Variants in TPTE2 observed in about 807,000 individuals in gnomAD.
TPTE2 encodes transmembrane phosphoinositide 3-phosphatase and tensin homolog 2.
TPTE2 carries 53 observed loss-of-function variants against 78.6 expected under a neutral mutation model. The observed-to-expected ratio is 0.67, with a 90% CI of 0.54 to 0.85. The LOEUF (loss-of-function observed/expected upper bound fraction) is 0.85. Among genes scored for constraint, TPTE2 ranks in the 40% least tolerant of loss-of-function variants. The probability of loss-of-function intolerance (pLI) is 0.00; values close to 1 mark genes in which losing one functional copy is unlikely to be tolerated. For synonymous variants in TPTE2, 175 were observed against 206.2 expected (o/e 0.85, Z 1.30); for missense variants, 461 against 623.0 (o/e 0.74, Z 2.77).
chr13:19,516,703 A>G (rs918008792), intron 1 of TPTE2, among the ~76,000 whole-genome samples: 12 of 152,110 alleles, frequency 7.9e-5, no homozygotes, highest in Non-Finnish European at 1.6e-4. Flanking sequence ...GCTGAACACT[A>G]GCTCACCATC....
At chr13:19,435,885 T>G (rs1240740769) in intron 15 of TPTE2, among the ~76,000 whole-genome samples, 1 of 152,050 alleles carries the variant, frequency 6.6e-6, no homozygotes, top group Non-Finnish European at 1.5e-5. Context: ...TTTTTTACAT[T>G]GAAATCAAAG....
At chr13:19,549,512 G>T in the TPTE2 span, among the ~76,000 whole-genome samples, 1 of 152,016 alleles carries the variant, frequency 6.6e-6, no homozygotes, top group Non-Finnish European at 1.5e-5. Context: ...ACAGATGCTG[G>T]TGAGGTTGCA....
intron 1 of TPTE2, among the ~76,000 whole-genome samples, chr13:19,534,961 G>A (rs1048393544): frequency 1.2e-4 from 18 of 152,052 alleles, no homozygotes; most frequent in Non-Finnish European, 1.8e-4. Context: ...TCAGAACTTC[G>A]GGAGGCCGAG....
intron 1 of TPTE2, among the ~76,000 whole-genome samples, chr13:19,513,515 C>T (rs1314986727): frequency 6.6e-6 from 1 of 152,112 alleles, no homozygotes; most frequent in Admixed American, 6.5e-5. Context: ...TCATTGGGGT[C>T]AGTGCAAAGG....
chr13:19,459,596 T>C (rs539533536), intron 10 of TPTE2, among the ~76,000 whole-genome samples: 2 of 152,272 alleles, frequency 1.3e-5, no homozygotes, highest in Non-Finnish European at 1.5e-5. Context: ...AGTGGCTGAG[T>C]TGACCAAACT....
chr13:19,469,602 A>T (rs1020202066), intron 6 of TPTE2, among the ~76,000 whole-genome samples: 5 of 152,022 alleles, frequency 3.3e-5, no homozygotes, highest in African/African-American at 9.7e-5. Context: ...TGAATCTGTA[A>T]ATTGCTTTGG....
intron 1 of TPTE2, among the ~76,000 whole-genome samples, chr13:19,516,427 T>C (rs1388640326): frequency 6.6e-6 from 1 of 152,152 alleles, no homozygotes; most frequent in Non-Finnish European, 1.5e-5. Flanking sequence ...AAGCATTGGG[T>C]GTCATCTCTA....
chr13:19,472,389 G>T (rs1341062844), intron 6 of TPTE2, among the ~76,000 whole-genome samples: 2 of 152,020 alleles, frequency 1.3e-5, no homozygotes, highest in Non-Finnish European at 2.9e-5. Flanking sequence ...TTTTGAAATA[G>T]CCTGTCTTCA....
At chr13:19,434,156 C>T (rs889833673) in intron 15 of TPTE2, among the ~76,000 whole-genome samples, 1 of 152,194 alleles carries the variant, frequency 6.6e-6, no homozygotes, top group African/African-American at 2.4e-5. Flanking sequence ...AAGCCACGGG[C>T]TTTGCCTTTA....
chr13:19,469,602 A>G (rs1020202066), intron 6 of TPTE2, among the ~76,000 whole-genome samples: 1 of 152,022 alleles, frequency 6.6e-6, no homozygotes, highest in Non-Finnish European at 1.5e-5. Flanking sequence ...TGAATCTGTA[A>G]ATTGCTTTGG....
chr13:19,474,647 A>T (rs1879828544), intron 5 of TPTE2, among the ~76,000 whole-genome samples: 1 of 152,232 alleles, frequency 6.6e-6, no homozygotes, highest in African/African-American at 2.4e-5. Flanking sequence ...CTTGAACTCT[A>T]AAGTACTTCC....
intron 1 of TPTE2, among the ~76,000 whole-genome samples, chr13:19,502,796 A>G (rs1868703968): frequency 6.6e-6 from 1 of 151,950 alleles, no homozygotes; most frequent in Non-Finnish European, 1.5e-5. Context: ...CTTAAAGTAT[A>G]ATTTTAAAAA....
At chr13:19,490,367 T>C (rs1400093913) in intron 3 of TPTE2, among the ~76,000 whole-genome samples, 1 of 152,216 alleles carries the variant, frequency 6.6e-6, no homozygotes, top group East Asian at 1.9e-4. Flanking sequence ...CAATTTATAA[T>C]CTAGTTACCC....
chr13:19,559,184 G>GA, the TPTE2 span, among the ~76,000 whole-genome samples: 2 of 152,080 alleles, frequency 1.3e-5, no homozygotes, highest in Non-Finnish European at 2.9e-5. Context: ...GGCATTACTT[G>GA]AAAAAATAGA....
rs541697375 is a variant in TPTE2, at chr13:19,486,780, T to A, written c.120-4233A>T. ...TTCTCAGGCCTGGGATACAGTCAAA[T>A]GACTTCTCAGCTGTCCTGGATGTGT... is the stretch of plus-strand genomic sequence containing the variant. On this transcript the variant is annotated intron_variant, in intron 3 of 19. Transcript: ENST00000400230. The surrounding 1 kb of genome is among the most constrained non-coding windows in gnomAD (Gnocchi z 4.3). 6.6e-6 allele frequency among the ~76,000 whole-genome samples: 1 copy of A among 152,308 alleles called. No homozygotes were observed. Among genetic ancestry groups the A allele is most frequent in the African/African-American group, 2.4e-5 (1 of 41,562 alleles).
chr13:19,492,763 G>T, intron 3 of TPTE2, 87 bp downstream of exon 6: 1 of 1,553,418 alleles, frequency 6.4e-7, no homozygotes, highest in Non-Finnish European at 8.8e-7. Context: ...GATGAAGATG[G>T]ATGGATATAT....
At chr13:19,532,657 C>A (rs929540981) in intron 1 of TPTE2, among the ~76,000 whole-genome samples, 1 of 152,218 alleles carries the variant, frequency 6.6e-6, no homozygotes, top group African/African-American at 2.4e-5. Context: ...TGCCTTAGTA[C>A]CCATCACATT....
At chr13:19,499,514 T>C in intron 1 of TPTE2, among the ~76,000 whole-genome samples, 1 of 137,818 alleles carries the variant, frequency 7.3e-6, no homozygotes, top group Non-Finnish European at 1.6e-5. Context: ...ACCACTCAAC[T>C]ACATGGAAAC....
At chr13:19,531,183 T>C (rs1812939) in intron 1 of TPTE2, among the ~76,000 whole-genome samples, 112,183 of 152,064 alleles carry the variant, frequency 0.74, 43,940 homozygotes, top group East Asian at 0.96. Context: ...AGAATTGTAC[T>C]TCTTTCAAGG....
Sources: gnomAD v4.1 joint callset for allele counts (sites outside exome capture counted in the v4.1 genomes callset) on GRCh38, gnomAD v4.1.1 for gene constraint, Gnocchi (gnomAD v3.1) non-coding constraint, MANE v1.5 for transcripts, NCBI Gene and HGNC (gene_info 2026-07-23, HGNC 2026-07-21) for gene names.